Variants in NDE1 observed in about 807,000 individuals in gnomAD.
The protein encoded by NDE1 is nuclear distribution protein nudE homolog 1.
In NDE1, 28 loss-of-function variants were observed where a neutral mutation model predicts 43.4. The ratio of observed to expected loss-of-function variants is 0.65; its 90% CI spans 0.48 to 0.89. NDE1 has a LOEUF of 0.89. Ranked by LOEUF, NDE1 falls within the 40% of genes least tolerant of loss-of-function variation. NDE1 has a pLI of 0.00. For missense variants in NDE1, 441 were observed against 434.1 expected (o/e 1.02, Z -0.14); for synonymous variants, 184 against 172.0 (o/e 1.07, Z -0.55).
At chr16:15,688,485 CATG>C (rs2038552356) in intron 5 of NDE1, among the ~76,000 whole-genome samples, 1 of 151,062 alleles carries the variant, frequency 6.6e-6, no homozygotes, top group Non-Finnish European at 1.5e-5. Context: ...AAATAGAAAA[CATG>C]AGGGTATGGT....
At chr16:15,674,069 A>C (rs1422451878) in intron 3 of NDE1, among the ~76,000 whole-genome samples, 1 of 152,170 alleles carries the variant, frequency 6.6e-6, no homozygotes, top group African/African-American at 2.4e-5. Context: ...CTTAGCCTGG[A>C]GGCCAGCACA....
At chr16:15,671,476 C>T (rs1367750707) in intron 3 of NDE1, among the ~76,000 whole-genome samples, 1 of 152,162 alleles carries the variant, frequency 6.6e-6, no homozygotes, top group African/African-American at 2.4e-5. Flanking sequence ...TACCATTGCA[C>T]TCCATCCTGG....
intron 1 of NDE1, among the ~76,000 whole-genome samples, chr16:15,645,187 A>C (rs2036307493): frequency 6.6e-6 from 1 of 152,132 alleles, no homozygotes; most frequent in South Asian, 2.1e-4. Context: ...CTTTAGGATT[A>C]CAGGGCTGAG....
At chr16:15,707,192 A>G (rs541503223) in intron 8 of NDE1, among the ~76,000 whole-genome samples, 2 of 151,388 alleles carry the variant, frequency 1.3e-5, no homozygotes, top group African/African-American at 4.9e-5. Context: ...ACATGCCACC[A>G]CTCCTGGCTA....
At chr16:15,704,478 C>A (rs1046956318) in intron 8 of NDE1, among the ~76,000 whole-genome samples, 9 of 152,114 alleles carry the variant, frequency 5.9e-5, no homozygotes, top group African/African-American at 2.2e-4. Flanking sequence ...AGGAAAAAAA[C>A]GCCAAAAACC....
intron 4 of NDE1, among the ~76,000 whole-genome samples, chr16:15,685,588 C>G (rs968379231): frequency 6.6e-6 from 1 of 152,090 alleles, no homozygotes; most frequent in Non-Finnish European, 1.5e-5. Flanking sequence ...TAACTTTATC[C>G]TATCCACTAC....
At chr16:15,650,591 C>T (rs1462324989) in intron 1 of NDE1, among the ~76,000 whole-genome samples, 1 of 152,256 alleles carries the variant, frequency 6.6e-6, no homozygotes, top group African/African-American at 2.4e-5. Context: ...GTTTCTCTTT[C>T]TGCGTTGGTC....
At chr16:15,662,492 A>ACGGT (rs1044919431) in intron 1 of NDE1, among the ~76,000 whole-genome samples, 1 of 151,014 alleles carries the variant, frequency 6.6e-6, no homozygotes, top group Admixed American at 6.6e-5. Flanking sequence ...ACCGTGTTAG[A>ACGGT]CAGGATGGTC....
intron 6 of NDE1, among the ~76,000 whole-genome samples, chr16:15,691,596 CT>C (rs2038756645): frequency 6.6e-6 from 1 of 151,684 alleles, no homozygotes; most frequent in Non-Finnish European, 1.5e-5. Context: ...GGCCCTTCAT[CT>C]GCAGCTTTTT....
intron 8 of NDE1, chr16:15,718,139 G>A (rs2040265966): frequency 3.1e-6 from 3 of 974,960 alleles, no homozygotes; most frequent in East Asian, 2.6e-5. Flanking sequence ...TCTGAAGACA[G>A]CAGCCTGGGC....
At chr16:15,696,469 G>A (rs559870484) in intron 7 of NDE1, among the ~76,000 whole-genome samples, 6 of 152,022 alleles carry the variant, frequency 3.9e-5, no homozygotes, top group Non-Finnish European at 7.4e-5. Context: ...TCCTGCCTTG[G>A]CCTCCCAGAG....
At chr16:15,672,369 T>C (rs182244453) in intron 3 of NDE1, among the ~76,000 whole-genome samples, 1 of 151,850 alleles carries the variant, frequency 6.6e-6, no homozygotes. Flanking sequence ...GAGGTGGAGG[T>C]TGCAGTGAGC....
chr16:15,705,505 CTT>C (rs972636443), intron 8 of NDE1, among the ~76,000 whole-genome samples: 6 of 152,208 alleles, frequency 3.9e-5, no homozygotes, highest in African/African-American at 1.4e-4. Flanking sequence ...ACACTTAACT[CTT>C]TTCAGCAACC....
intron 8 of NDE1, among the ~76,000 whole-genome samples, chr16:15,712,114 C>T (rs1358760309): frequency 6.6e-6 from 1 of 152,186 alleles, no homozygotes; most frequent in Non-Finnish European, 1.5e-5. Context: ...GCAACTTCAT[C>T]ATTTTAGCTG....
chr16:15,658,760 G>A (rs1246800817), intron 1 of NDE1, among the ~76,000 whole-genome samples: 2 of 152,152 alleles, frequency 1.3e-5, no homozygotes, highest in African/African-American at 2.4e-5. Context: ...GGGTTCAAGC[G>A]ATTCTCATGC....
At chr16:15,685,878 G>A (rs1349438233) in intron 4 of NDE1, among the ~76,000 whole-genome samples, 1 of 152,020 alleles carries the variant, frequency 6.6e-6, no homozygotes, top group Non-Finnish European at 1.5e-5. Flanking sequence ...CAGACACAGG[G>A]TCAATAATAA....
At chr16:15,664,889 T>A (rs75885033) in intron 2 of NDE1, 28 bp downstream of exon 2, 2 of 748,124 alleles carry the variant, frequency 2.7e-6, no homozygotes, top group South Asian at 2.7e-5. Flanking sequence ...TGCTTTTCCT[T>A]TTTTTTTTTT....
At chr16:15,670,505 A>C (rs1433847136) in intron 3 of NDE1, among the ~76,000 whole-genome samples, 1 of 151,954 alleles carries the variant, frequency 6.6e-6, no homozygotes, top group South Asian at 2.1e-4. Context: ...TAAAACTACA[A>C]AATTAGCTGG....
chr16:15,718,216 C>T, intron 8 of NDE1: 2 of 1,585,236 alleles, frequency 1.3e-6, no homozygotes, highest in Non-Finnish European at 1.7e-6. Context: ...AATCCAGGGC[C>T]TGCACACAGG....
Sources: allele counts gnomAD v4.1 joint callset (sites outside exome capture counted in the v4.1 genomes callset), GRCh38; gene constraint gnomAD v4.1.1; transcripts MANE v1.5; gene names NCBI Gene and HGNC (gene_info 2026-07-23, HGNC 2026-07-21).